The following AKAP8L variants were observed in gnomAD, a reference collection of about 807,000 sequenced individuals.
AKAP8L encodes the protein A-kinase anchoring protein 8 like, also known as A-kinase anchor protein 8-like.
Under a neutral mutation model 77.5 loss-of-function variants are expected in AKAP8L, and 34 were observed. The observed-to-expected ratio is 0.44, with a 90% CI of 0.33 to 0.58. The LOEUF (loss-of-function observed/expected upper bound fraction) is 0.58, where lower values mean the gene tolerates loss of function less well. AKAP8L is among the 20% of genes least tolerant of loss of function. The pLI is 0.02. For synonymous variants in AKAP8L, 342 were observed against 340.7 expected, an observed-to-expected ratio of 1.00 and a Z score of -0.04; for missense variants, 806 against 887.6, an observed-to-expected ratio of 0.91 and a Z score of 1.17.
chr19:15,403,817 G>C lies in AKAP8L; in HGVS notation c.122-102C>G. 8.8e-7 allele frequency: 1 copy of C among 1,138,458 alleles called. No individual in the cohort carries two copies. The highest frequency in any genetic ancestry group is 1.4e-5 in the South Asian group (1 of 71,430). The allele number at this position is 1,138,458 out of a possible 1,614,324, so 70.5% of individuals were successfully genotyped here. On this transcript the variant is annotated intron_variant, in intron 3 of 13. Transcript: ENST00000397410. This position sits in a 1 kb window ranked among gnomAD's most constrained non-coding sequence, Gnocchi z 4.3. ...AGATACAAGGGTATCTTCTGTCACA[G>C]AGAGAGAAGACCCTAGCCACTGAAG...
chr19:15,399,528 C>CTT lies in AKAP8L; in HGVS notation c.1049-119_1049-118insAA. On this transcript the variant is annotated intron_variant, in intron 8 of 13. Transcript: ENST00000397410. The surrounding 1 kb of genome is among the most constrained non-coding windows in gnomAD (Gnocchi z 6.1). ...AGAGGGTCCATCGAGAATAGCTGTC[C>CTT]AAGCAAGGCCTCTGGCCATGAGCAG... 2 of 764,798 alleles carry CTT rather than the reference C, an allele frequency of 2.6e-6. No homozygotes were observed. The highest frequency in any genetic ancestry group is 4.6e-6 in the Non-Finnish European group (2 of 438,336). 47.4% of individuals were successfully genotyped at this position (764,798 alleles called of 1,614,324 possible). A position where few individuals can be genotyped will look rare whatever the true frequency, so the allele number is the denominator to read the frequency against.
chr19:15,412,742 CCA>C (rs1347563720), intron 1 of AKAP8L, among the ~76,000 whole-genome samples: 1 of 152,202 alleles, frequency 6.6e-6, no homozygotes, highest in Non-Finnish European at 1.5e-5. Context: ...TGGGGTTTCA[CCA>C]TGTTAGCCAG....
chr19:15,381,233 C>T (rs1463972694), intron 12 of AKAP8L: 1 of 153,038 alleles, frequency 6.5e-6, no homozygotes, highest in African/African-American at 2.4e-5. Flanking sequence ...GAACTGGAAA[C>T]ATGCGTGCAC....
In AKAP8L at chr19:15,399,223, TG is replaced by T. The variant is rs1967838512; in HGVS notation, c.1157+78del. On this transcript the variant is annotated intron_variant, in intron 9 of 13. Coordinates refer to ENST00000397410, the MANE Select transcript of AKAP8L (RefSeq NM_014371.4). The surrounding 1 kb of genome is among the most constrained non-coding windows in gnomAD (Gnocchi z 6.1). ...CAAGGGAGGCCAGAGGGCGGCGAGC[TG>T]GCAGAGCTATGGCCCTGCTCTCCTG... 2 of 1,325,548 alleles carry T rather than the reference TG, an allele frequency of 1.5e-6. No individual in the cohort carries two copies. Among genetic ancestry groups the T allele is most frequent in the Non-Finnish European group, 2.2e-6 (2 of 923,138 alleles). 82.1% of individuals were successfully genotyped at this position (1,325,548 alleles called of 1,614,324 possible).
chr19:15,392,896 C>CAAAA (rs60766880), intron 12 of AKAP8L, among the ~76,000 whole-genome samples: 31 of 43,122 alleles, frequency 7.2e-4, no homozygotes, highest in East Asian at 6.0e-3. Flanking sequence ...AACTCTGTCT[C>CAAAA]AAAAAAAAAA....
chr19:15,412,793 T>C (rs1043106108), intron 1 of AKAP8L, among the ~76,000 whole-genome samples: 27 of 152,196 alleles, frequency 1.8e-4, no homozygotes, highest in Non-Finnish European at 3.8e-4. Context: ...CCGCCCGCCT[T>C]GGCCTCCCAA....
chr19:15,388,207 C>A (rs1293296814), intron 12 of AKAP8L, among the ~76,000 whole-genome samples: 2 of 132,550 alleles, frequency 1.5e-5, no homozygotes, highest in African/African-American at 5.7e-5. Context: ...CTAAAAAAAT[C>A]TAGCAAGTCA....
chr19:15,407,416 A>C (rs1307034101), intron 2 of AKAP8L, among the ~76,000 whole-genome samples: 1 of 152,206 alleles, frequency 6.6e-6, no homozygotes, highest in Non-Finnish European at 1.5e-5. Context: ...TTGTTCTTGC[A>C]ATTCAAGCCA....
In AKAP8L at chr19:15,380,304, C is replaced by T. The variant is rs1407645224; in HGVS notation, c.1759G>A (p.Ala587Thr). The change falls in exon 14 of 14, where the codon GCG becomes ACG. Residue 587 changes from alanine (A) to threonine (T), a missense_variant. Around this residue, in one of 2 missense-constraint regions of AKAP8L, gnomAD observed 226 missense variants for 193.5 expected, o/e 1.17. Transcript: ENST00000397410. ...GGCTCTGGGGGCACGGGAGGCTGCG[C>T]CGGCACGCCCTCTGCGCCCTCCGAG... ...GISEGAEGVP[A>T]QPPVPPEPAP... 4 of 1,530,396 alleles carry T rather than the reference C, an allele frequency of 2.6e-6. No individual in the cohort carries two copies. Among genetic ancestry groups the T allele is most frequent in the Admixed American group, 4.0e-5 (2 of 49,668 alleles). The allele number at this position is 1,530,396 out of a possible 1,614,324, so 94.8% of individuals were successfully genotyped here. A position where few individuals can be genotyped will look rare whatever the true frequency, so the allele number is the denominator to read the frequency against.
rs1298843595 is a variant in AKAP8L at position 15,403,768 on chromosome 19, G to GCAGA, written c.122-57_122-54dup. 1 of 1,399,152 alleles carries GCAGA rather than the reference G, an allele frequency of 7.1e-7. No homozygotes were observed. Among genetic ancestry groups the GCAGA allele is most frequent in the South Asian group, 1.2e-5 (1 of 81,338 alleles). 86.7% of individuals were successfully genotyped at this position (1,399,152 alleles called of 1,614,324 possible). A position where few individuals can be genotyped will look rare whatever the true frequency, so the allele number is the denominator to read the frequency against. On this transcript the variant is annotated intron_variant, in intron 3 of 13. Transcript: ENST00000397410. The surrounding 1 kb of genome is among the most constrained non-coding windows in gnomAD (Gnocchi z 4.3). The stretch of plus-strand genomic sequence containing the variant: ...GATGGTGGGGGCAGGCAGAGGGGAG[G>GCAGA]CAGACAGAGACAGAGACAAACACAG...
rs894566715 is a variant in AKAP8L, at chr19:15,398,745, G to A, written c.1157+557C>T. 3.0e-6 allele frequency: 3 copies of A among 990,548 alleles called. No homozygotes were observed. Among genetic ancestry groups the A allele is most frequent in the Admixed American group, 5.9e-5 (1 of 17,026 alleles). The allele number at this position is 990,548 out of a possible 1,614,324, so 61.4% of individuals were successfully genotyped here. On this transcript the variant is annotated intron_variant, in intron 9 of 13. Coordinates refer to ENST00000397410, the MANE Select transcript of AKAP8L (RefSeq NM_014371.4). This position sits in a 1 kb window ranked among gnomAD's most constrained non-coding sequence, Gnocchi z 9.2. The stretch of plus-strand genomic sequence containing the variant: ...AAGAGCAAGAGTCTGAGGCGGAGGA[G>A]GCAAGCGCCAGTGCGGGAGCCCTGA...
chr19:15,405,437 G>A (rs1159309702), intron 2 of AKAP8L, among the ~76,000 whole-genome samples: 3 of 152,002 alleles, frequency 2.0e-5, no homozygotes, highest in Admixed American at 2.0e-4. Context: ...GGAGGCTGAG[G>A]CACAGTTGCT....
intron 2 of AKAP8L, among the ~76,000 whole-genome samples, chr19:15,407,500 A>C (rs181287940): frequency 3.3e-5 from 5 of 152,368 alleles, no homozygotes; most frequent in Admixed American, 3.3e-4. Flanking sequence ...TCTACAAAAG[A>C]GCTACTAGAA....
At chr19:15,391,083 A>C (rs1356664049) in intron 12 of AKAP8L, among the ~76,000 whole-genome samples, 1 of 152,178 alleles carries the variant, frequency 6.6e-6, no homozygotes, top group Non-Finnish European at 1.5e-5. Context: ...AAAAGAAATA[A>C]AGTGCATCTA....
Position 15,403,445 on chromosome 19 carries a change from G to T in AKAP8L, c.362+30C>A, listed in dbSNP as rs1967937731. 2.5e-6 allele frequency: 4 copies of T among 1,610,688 alleles called. No individual in the cohort carries two copies. The East Asian group carries it at 8.9e-5, about 36-fold the overall frequency. On this transcript the variant is annotated intron_variant, in intron 4 of 13. Coordinates refer to ENST00000397410, the MANE Select transcript of AKAP8L (RefSeq NM_014371.4). This position sits in a 1 kb window ranked among gnomAD's most constrained non-coding sequence, Gnocchi z 4.3. ...AGCAGGCAGGAGCCGCCCCTGCAGA[G>T]TCTCAACCCCTAGGCAGGTGTCCAC...
Position 15,399,493 on chromosome 19 carries a change from T to TGGAGTGGACAGTGG in AKAP8L, c.1049-84_1049-83insCCACTGTCCACTCC. On this transcript the variant is annotated intron_variant, in intron 8 of 13. Transcript: ENST00000397410. The surrounding 1 kb of genome is among the most constrained non-coding windows in gnomAD (Gnocchi z 6.1). The stretch of plus-strand genomic sequence containing the variant: ...TGCGGCCTCTGGCTGAATCACCCAC[T>TGGAGTGGACAGTGG]GTCCACTCCAGAGGGTCCATCGAGA... 1.0e-6 allele frequency: 1 copy of TGGAGTGGACAGTGG among 993,940 alleles called. No individual in the cohort carries two copies. Among genetic ancestry groups the TGGAGTGGACAGTGG allele is most frequent in the Non-Finnish European group, 1.6e-6 (1 of 622,678 alleles). The allele number at this position is 993,940 out of a possible 1,614,324, so 61.6% of individuals were successfully genotyped here.
chr19:15,416,882 C>T (rs539537138), intron 1 of AKAP8L, among the ~76,000 whole-genome samples: 2 of 152,318 alleles, frequency 1.3e-5, no homozygotes, highest in Admixed American at 1.3e-4. Context: ...ATAATGCTAA[C>T]ATTTGCTTCG....
chr19:15,397,251 C>T lies in AKAP8L; in HGVS notation c.1435G>A (p.Val479Met). Residue 479 changes from valine to methionine, a missense_variant, in exon 12 of 14, where the codon GTG (valine) becomes ATG (methionine). This residue lies in a region of AKAP8L where 580 missense variants were observed against 694.1 expected (regional missense o/e 0.84). Coordinates refer to ENST00000397410, the MANE Select transcript of AKAP8L (RefSeq NM_014371.4). This position sits in a 1 kb window ranked among gnomAD's most constrained non-coding sequence, Gnocchi z 4.7. ...EIAMEHFVKK[V>M]EAAHCAACDL... is the part of the protein sequence containing the mutation. Reference sequence around the variant, plus strand: ...CAGGCTGCACAATGGGCTGCCTCCACCTTCTTCACAAAATGCTCCATGGCA... The same window carrying T: ...CAGGCTGCACAATGGGCTGCCTCCATCTTCTTCACAAAATGCTCCATGGCA... 1 of 1,614,012 alleles carries T rather than the reference C, an allele frequency of 6.2e-7. No homozygotes were observed. The highest frequency in any genetic ancestry group is 8.5e-7 in the Non-Finnish European group (1 of 1,179,904).
At chr19:15,402,626 T>C (rs891548170) in intron 4 of AKAP8L, among the ~76,000 whole-genome samples, 2 of 152,226 alleles carry the variant, frequency 1.3e-5, no homozygotes, top group African/African-American at 4.8e-5. Flanking sequence ...TTCCACACCC[T>C]GCCACCACAG....
Sources: gnomAD v4.1 joint callset for allele counts (sites outside exome capture counted in the v4.1 genomes callset) on GRCh38, gnomAD v4.1.1 for gene constraint, gnomAD v4.1.1 regional missense constraint, Gnocchi (gnomAD v3.1) non-coding constraint, MANE v1.5 for transcripts, NCBI Gene and HGNC (gene_info 2026-07-23, HGNC 2026-07-21) for gene names.